Variants in POU6F2 observed in about 807,000 individuals in gnomAD.
POU6F2 encodes POU class 6 homeobox 2.
In POU6F2, 31 loss-of-function variants were observed where a neutral mutation model predicts 71.3. The observed-to-expected ratio is 0.43, with a 90% CI of 0.33 to 0.59. The LOEUF (loss-of-function observed/expected upper bound fraction) is 0.59, where lower values mean the gene tolerates loss of function less well. POU6F2 is among the 20% of genes least tolerant of loss of function. The pLI is 0.04. For missense variants in POU6F2, 783 were observed against 856.8 expected (o/e 0.91, Z 1.07); for synonymous variants, 347 against 355.7 (o/e 0.98, Z 0.27).
chr7:39,434,030 T>C lies in POU6F2; in HGVS notation c.1320+747T>C, dbSNP rs140771567. ...TTTATAAGCAGAATCTGTTGTGCAG[T>C]AGAGCAGAGACTGTCCTGTGACAGG... On this transcript the variant is annotated intron_variant, in intron 7 of 9. Transcript: ENST00000518318. 1.1e-3 allele frequency among the ~76,000 whole-genome samples: 173 copies of C among 152,270 alleles called. 3 individuals carry two copies. Among genetic ancestry groups the C allele is most frequent in the Admixed American group, 9.3e-3 (142 of 15,292 alleles).
intron 7 of POU6F2, among the ~76,000 whole-genome samples, chr7:39,438,004 G>A (rs919577275): frequency 1.6e-4 from 25 of 151,690 alleles, no homozygotes; most frequent in African/African-American, 6.1e-4. Flanking sequence ...GTGCAGGTTT[G>A]TTCCATATGT....
At chr7:39,418,518 T>G (rs1338572080) in intron 6 of POU6F2, among the ~76,000 whole-genome samples, 2 of 151,956 alleles carry the variant, frequency 1.3e-5, no homozygotes, top group Non-Finnish European at 2.9e-5. Context: ...TGTGAAACCA[T>G]GTCTCTACTA....
intron 4 of POU6F2, among the ~76,000 whole-genome samples, chr7:39,213,431 A>AT (rs1188235328): frequency 3.3e-5 from 5 of 152,226 alleles, no homozygotes; most frequent in Non-Finnish European, 5.9e-5. Flanking sequence ...TTTACATACA[A>AT]GAAAATGCAT....
chr7:39,001,601 A>T (rs535300613), intron 1 of POU6F2, among the ~76,000 whole-genome samples: 1 of 152,352 alleles, frequency 6.6e-6, no homozygotes, highest in African/African-American at 2.4e-5. Flanking sequence ...TCTCTCCTAA[A>T]GGTTGCATGG....
intron 6 of POU6F2, among the ~76,000 whole-genome samples, chr7:39,427,384 C>T (rs2299131): frequency 0.29 from 44,479 of 152,000 alleles, 6,893 homozygotes; most frequent in East Asian, 0.54. Flanking sequence ...ACATCTTAAA[C>T]TCTATTAAGG....
chr7:38,980,394 A>G (rs1259034788), intron 1 of POU6F2, among the ~76,000 whole-genome samples: 1 of 152,246 alleles, frequency 6.6e-6, no homozygotes, highest in Non-Finnish European at 1.5e-5. Flanking sequence ...CAGAAAGTCT[A>G]TATTGAAACC....
At chr7:39,294,153 T>C (rs1784809919) in intron 4 of POU6F2, among the ~76,000 whole-genome samples, 1 of 151,758 alleles carries the variant, frequency 6.6e-6, no homozygotes, top group African/African-American at 2.4e-5. Context: ...ATCATTTCAC[T>C]GTGGGAGAAA....
chr7:39,129,638 TAGATAG>T (rs1792216471), intron 2 of POU6F2, among the ~76,000 whole-genome samples: 1 of 151,770 alleles, frequency 6.6e-6, no homozygotes, highest in African/African-American at 2.4e-5. Context: ...GATAGATAGA[TAGATAG>T]ATAGATAGAT....
intron 2 of POU6F2, among the ~76,000 whole-genome samples, chr7:39,159,001 G>C (rs561649641): frequency 6.6e-6 from 1 of 151,184 alleles, no homozygotes; most frequent in Non-Finnish European, 1.5e-5. Context: ...ATGAAACCCC[G>C]TCTATACTAA....
At chr7:39,282,756 G>T (rs937241324) in intron 4 of POU6F2, among the ~76,000 whole-genome samples, 21 of 152,016 alleles carry the variant, frequency 1.4e-4, no homozygotes, top group Admixed American at 7.9e-4. Context: ...AATTGCTTTG[G>T]CTGTTTGGGT....
chr7:39,286,120 G>A (rs1784645731), intron 4 of POU6F2, among the ~76,000 whole-genome samples: 1 of 152,180 alleles, frequency 6.6e-6, no homozygotes, highest in South Asian at 2.1e-4. Flanking sequence ...GAGCAAGTGA[G>A]AGAGTTAACC....
chr7:39,401,303 C>T (rs1787298207), intron 5 of POU6F2, among the ~76,000 whole-genome samples: 1 of 152,180 alleles, frequency 6.6e-6, no homozygotes, highest in Admixed American at 6.5e-5. Context: ...AACACATTGC[C>T]ACCACTACAG....
intron 1 of POU6F2, among the ~76,000 whole-genome samples, chr7:39,040,664 AT>A (rs1285501648): frequency 1.3e-5 from 2 of 151,874 alleles, no homozygotes; most frequent in Admixed American, 6.6e-5. Flanking sequence ...TCTTTTTTAT[AT>A]TTTGTATTTT....
intron 4 of POU6F2, among the ~76,000 whole-genome samples, chr7:39,333,967 GA>G (rs1785712549): frequency 1.3e-5 from 2 of 152,144 alleles, no homozygotes; most frequent in Admixed American, 1.3e-4. Flanking sequence ...CTCCCTTGGT[GA>G]TTCTGGTCCA....
At chr7:39,419,047 G>GTATACACATA (rs750951946) in intron 6 of POU6F2, among the ~76,000 whole-genome samples, 1 of 137,038 alleles carries the variant, frequency 7.3e-6, no homozygotes, top group Non-Finnish European at 1.6e-5. Context: ...ACATATATAT[G>GTATACACATA]TATACACATA....
chr7:39,459,180 T>A (rs1788881534), intron 8 of POU6F2, among the ~76,000 whole-genome samples: 1 of 152,232 alleles, frequency 6.6e-6, no homozygotes. Flanking sequence ...TTGCAGTAGT[T>A]GTACCACTTT....
At chr7:39,231,443 C>T (rs1794572105) in intron 4 of POU6F2, among the ~76,000 whole-genome samples, 1 of 152,112 alleles carries the variant, frequency 6.6e-6, no homozygotes, top group Admixed American at 6.5e-5. Flanking sequence ...ATTTAATCAT[C>T]ACAACTCTAT....
At chr7:38,994,244 T>C (rs1214975424) in intron 1 of POU6F2, among the ~76,000 whole-genome samples, 2 of 151,780 alleles carry the variant, frequency 1.3e-5, no homozygotes, top group Non-Finnish European at 2.9e-5. Context: ...AGTCACTCAG[T>C]TGGTCAGGAA....
intron 1 of POU6F2, among the ~76,000 whole-genome samples, chr7:39,002,657 A>T (rs868782446): frequency 2.0e-5 from 3 of 152,196 alleles, no homozygotes; most frequent in Non-Finnish European, 4.4e-5. Context: ...AGTGATTTAC[A>T]AAGTATTAAG....
Sources: gnomAD v4.1 joint callset for allele counts (sites outside exome capture counted in the v4.1 genomes callset) on GRCh38, gnomAD v4.1.1 for gene constraint, MANE v1.5 for transcripts, NCBI Gene and HGNC (gene_info 2026-07-23, HGNC 2026-07-21) for gene names.